Variants in RPL34 observed in about 807,000 individuals in gnomAD.
The protein encoded by RPL34 is large ribosomal subunit protein eL34.
Under a neutral mutation model 16.3 loss-of-function variants are expected in RPL34, and 2 were observed. The observed-to-expected ratio is 0.12, with a 90% CI of 0.05 to 0.39. RPL34 has a LOEUF of 0.39. Ranked by LOEUF, RPL34 falls within the 10% of genes least tolerant of loss-of-function variation. RPL34 has a pLI of 0.99. For synonymous variants in RPL34, 47 were observed against 48.5 expected (o/e 0.97, Z 0.13); for missense variants, 82 against 148.8 (o/e 0.55, Z 2.33).
downstream of RPL34, among the ~76,000 whole-genome samples, chr4:108,627,581 G>A (rs1306352484): frequency 2.0e-5 from 3 of 151,960 alleles, no homozygotes; most frequent in East Asian, 1.9e-4. Context: ...GAATTTAACC[G>A]CCAGGCGCGG....
At chr4:108,630,317 T>C (rs1726132975), downstream of RPL34, 1 of 152,188 alleles carries the variant, frequency 6.6e-6, no homozygotes, top group Non-Finnish European at 1.5e-5. Flanking sequence ...TGTTTGATAA[T>C]GACTTGATTG....
chr4:108,620,639 T>C (rs2110361148), intron 1 of RPL34, 39 bp downstream of exon 1: 1 of 261,246 alleles, frequency 3.8e-6, no homozygotes, highest in Non-Finnish European at 7.9e-6. Flanking sequence ...TTTATTTCCT[T>C]ACCAATCGGC....
At chr4:108,622,753 A>G in intron 4 of RPL34, 135 bp downstream of exon 4, 2 of 539,388 alleles carry the variant, frequency 3.7e-6, no homozygotes, top group Non-Finnish European at 6.7e-6. Flanking sequence ...GCTATGGATA[A>G]TTGATGCTGC....
At chr4:108,622,228 C>A in intron 3 of RPL34, 24 bp downstream of exon 3, 1 of 1,494,328 alleles carries the variant, frequency 6.7e-7, no homozygotes, top group Non-Finnish European at 9.3e-7. Flanking sequence ...TTACTGTGTG[C>A]AGCCTAACAA....
downstream of RPL34, among the ~76,000 whole-genome samples, chr4:108,626,069 T>G (rs144445251): frequency 3.6e-4 from 55 of 152,310 alleles, no homozygotes; most frequent in East Asian, 9.8e-3. Flanking sequence ...AAGGGTATAG[T>G]TTCTGATCTA....
intron 3 of RPL34, 97 bp downstream of exon 3, chr4:108,622,301 AAG>A (rs1725816947): frequency 1.0e-6 from 1 of 964,174 alleles, no homozygotes; most frequent in South Asian, 1.3e-5. Flanking sequence ...GGTTACCACT[AAG>A]AGGGTTCAGA....
chr4:108,623,838 T>TA lies in RPL34; in HGVS notation c.269+1221dup, dbSNP rs532970594. Among the ~76,000 whole-genome samples, 447 of 152,354 alleles carry TA rather than the reference T, an allele frequency of 2.9e-3. 4 individuals carry two copies. Among genetic ancestry groups the TA allele is most frequent in the African/African-American group, 9.6e-3 (400 of 41,590 alleles). ...TAGGGGATAAATATAGCTTCTGTGA[T>TA]ACACAGCAAAGCTTAACTATGATTG... On this transcript the variant is annotated intron_variant, in intron 4 of 4. Transcript: ENST00000394667.
At chr4:108,626,153 G>C (rs1395664528), downstream of RPL34, among the ~76,000 whole-genome samples, 1 of 152,038 alleles carries the variant, frequency 6.6e-6, no homozygotes, top group Non-Finnish European at 1.5e-5. Flanking sequence ...TAGTGTTTCT[G>C]CCAGCTCAGA....
chr4:108,626,534 C>T (rs896633407), downstream of RPL34, among the ~76,000 whole-genome samples: 1 of 150,946 alleles, frequency 6.6e-6, no homozygotes, highest in African/African-American at 2.4e-5. Context: ...CTGCAACCTC[C>T]ACCTCCTGGG....
chr4:108,628,068 G>A (rs890479857), downstream of RPL34, among the ~76,000 whole-genome samples: 2 of 152,004 alleles, frequency 1.3e-5, no homozygotes, highest in Non-Finnish European at 2.9e-5. Flanking sequence ...TGTAATGACC[G>A]GGCACCCTAA....
At chr4:108,629,779 AGTTT>A, downstream of RPL34, among the ~76,000 whole-genome samples, 1 of 152,308 alleles carries the variant, frequency 6.6e-6, no homozygotes, top group East Asian at 1.9e-4. Flanking sequence ...AAGCAAATCA[AGTTT>A]GTTTTAGCAA....
At chr4:108,622,262 T>C in intron 3 of RPL34, 58 bp downstream of exon 3, 1 of 1,234,836 alleles carries the variant, frequency 8.1e-7, no homozygotes, top group Non-Finnish European at 1.2e-6. Context: ...TGAGCTTTCA[T>C]CCCTTGACGA....
chr4:108,623,626 GTC>G lies in RPL34; in HGVS notation c.269+1012_269+1013del, dbSNP rs541127208. On this transcript the variant is annotated intron_variant, in intron 4 of 4. Transcript: ENST00000394667. ...AGGTTTCACTGTGTTAGCCAGGATG[GTC>G]TCTATCTGACCTCATGATCTGTCAG... 3.6e-3 allele frequency among the ~76,000 whole-genome samples: 548 copies of G among 152,208 alleles called. 3 individuals are homozygous for G. The highest frequency in any genetic ancestry group is 0.012 in the African/African-American group (516 of 41,546).
At chr4:108,629,210 C>T (rs548945784), downstream of RPL34, among the ~76,000 whole-genome samples, 7 of 152,326 alleles carry the variant, frequency 4.6e-5, no homozygotes, top group Non-Finnish European at 5.9e-5. Flanking sequence ...TGGAAGCCCA[C>T]TGCATATATA....
intron 4 of RPL34, among the ~76,000 whole-genome samples, chr4:108,624,370 A>G (rs563494025): frequency 3.3e-5 from 5 of 152,274 alleles, no homozygotes; most frequent in African/African-American, 1.2e-4. Flanking sequence ...AGGTTTACCA[A>G]TGGGAAATGG....
Position 108,625,223 on chromosome 4 carries a change from C to CT in RPL34, c.*17dup. 6.5e-7 allele frequency: 1 copy of CT among 1,536,752 alleles called. No homozygotes were observed. The highest frequency in any genetic ancestry group is 8.9e-7 in the Non-Finnish European group (1 of 1,118,158). ...CAGAAAGCTAAATAAAAAAATGAAA[C>CT]TTTTTTGAGTAATAAAAATGAAAAG... is the stretch of plus-strand genomic sequence containing the variant. On this transcript the variant is annotated 3_prime_UTR_variant, in exon 5 of 5. Transcript: ENST00000394667.
In RPL34 at chr4:108,625,225, T is replaced by G. The variant is rs745604904; in HGVS notation, c.*13T>G. ...GAAAGCTAAATAAAAAAATGAAACT[T>G]TTTTGAGTAATAAAAATGAAAAGAC... is the stretch of plus-strand genomic sequence containing the variant. On this transcript the variant is annotated 3_prime_UTR_variant, in exon 5 of 5. Transcript: ENST00000394667. 1 of 1,543,080 alleles carries G rather than the reference T, an allele frequency of 6.5e-7. No homozygotes were observed. The highest frequency in any genetic ancestry group is 1.2e-5 in the South Asian group (1 of 86,826).
chr4:108,624,033 C>A (rs890004968), intron 4 of RPL34, among the ~76,000 whole-genome samples: 2 of 149,788 alleles, frequency 1.3e-5, no homozygotes, highest in Admixed American at 1.3e-4. Context: ...GGAGATAAGT[C>A]ATGAGTTTTA....
intron 1 of RPL34, chr4:108,621,115 G>GT (rs11370806): frequency 0.15 from 22,272 of 152,166 alleles, 1,777 homozygotes; most frequent in Middle Eastern, 0.33. Flanking sequence ...ACTCGCACTG[G>GT]TTTTACGTGT....
Sources: allele counts gnomAD v4.1 joint callset (sites outside exome capture counted in the v4.1 genomes callset), GRCh38; gene constraint gnomAD v4.1.1; transcripts MANE v1.5; gene names NCBI Gene and HGNC (gene_info 2026-07-23, HGNC 2026-07-21).